The following FAM168A variants were observed in gnomAD, a reference collection of about 807,000 sequenced individuals.
FAM168A encodes the protein protein FAM168A.
FAM168A carries 3 observed loss-of-function variants against 28.5 expected under a neutral mutation model. The ratio of observed to expected loss-of-function variants is 0.11; its 90% CI spans 0.05 to 0.27. FAM168A has a LOEUF of 0.27. Ranked by LOEUF, FAM168A falls within the 10% of genes least tolerant of loss-of-function variation. The pLI, the probability that FAM168A is intolerant of heterozygous loss-of-function variation, is 1.00. For synonymous variants in FAM168A, 122 were observed against 124.2 expected, an observed-to-expected ratio of 0.98 and a Z score of 0.12; for missense variants, 222 against 311.5, an observed-to-expected ratio of 0.71 and a Z score of 2.16.
intron 6 of FAM168A, 73 bp downstream of exon 6, chr11:73,409,414 A>G: frequency 1.9e-6 from 3 of 1,584,196 alleles, no homozygotes; most frequent in Non-Finnish European, 1.7e-6. Flanking sequence ...AGCCAATTCT[A>G]TGACTGTGTT....
intron 1 of FAM168A, among the ~76,000 whole-genome samples, chr11:73,574,841 G>C (rs1944152840): frequency 6.6e-6 from 1 of 151,272 alleles, no homozygotes; most frequent in Non-Finnish European, 1.5e-5. Flanking sequence ...TGGGATTACA[G>C]GTGTGAGCCA....
intron 1 of FAM168A, among the ~76,000 whole-genome samples, chr11:73,476,367 C>A (rs1867888081): frequency 6.7e-6 from 1 of 148,390 alleles, no homozygotes. Flanking sequence ...CATCAGAAAT[C>A]ACACTGCAAA....
intron 1 of FAM168A, among the ~76,000 whole-genome samples, chr11:73,530,908 T>C (rs1943507216): frequency 6.6e-6 from 1 of 152,156 alleles, no homozygotes; most frequent in African/African-American, 2.4e-5. Context: ...CTGGGATTTG[T>C]AGTCCTGTTC....
intron 4 of FAM168A, among the ~76,000 whole-genome samples, chr11:73,417,562 T>C (rs895716395): frequency 1.0e-4 from 15 of 148,568 alleles, no homozygotes; most frequent in Admixed American, 3.3e-4. Context: ...TCTCTCTCTT[T>C]TTTTTTTTTT....
At chr11:73,441,250 G>C (rs184785936) in intron 2 of FAM168A, among the ~76,000 whole-genome samples, 184 of 152,150 alleles carry the variant, frequency 1.2e-3, no homozygotes, top group Non-Finnish European at 1.7e-3. Flanking sequence ...GTAGAGATGG[G>C]GTTTCACCAC....
At chr11:73,582,251 G>A (rs768951161) in intron 1 of FAM168A, among the ~76,000 whole-genome samples, 3 of 151,968 alleles carry the variant, frequency 2.0e-5, no homozygotes, top group Admixed American at 1.3e-4. Flanking sequence ...GCCGGGCACC[G>A]TGACTCATGC....
chr11:73,410,872 C>T (rs1866597041), intron 5 of FAM168A, among the ~76,000 whole-genome samples: 2 of 152,276 alleles, frequency 1.3e-5, no homozygotes, highest in Admixed American at 6.5e-5. Context: ...GCTGAAGGAG[C>T]CCAGAAAGGC....
chr11:73,440,488 A>G (rs1336351193), intron 2 of FAM168A, among the ~76,000 whole-genome samples: 1 of 152,038 alleles, frequency 6.6e-6, no homozygotes, highest in East Asian at 1.9e-4. Flanking sequence ...GGCTCTACAA[A>G]AAGCGGTGGT....
Position 73,410,238 on chromosome 11 carries a change from T to G in FAM168A, c.421-577A>C, listed in dbSNP as rs556578280. ...CCGACCAGCATGGTGAAACCCCATC[T>G]CTACTAAAAATACAAAACAATGAGC... is the stretch of plus-strand genomic sequence containing the variant. On this transcript the variant is annotated intron_variant, in intron 5 of 7. Coordinates refer to ENST00000356467, the MANE Select transcript of FAM168A (RefSeq NM_015159.3). Among the ~76,000 whole-genome samples, 4 of 152,042 alleles carry G rather than the reference T, an allele frequency of 2.6e-5. No homozygotes were observed. In the East Asian group the frequency reaches 7.8e-4, roughly 29 times the overall value.
At chr11:73,437,927 T>G (rs1336525370) in intron 2 of FAM168A, among the ~76,000 whole-genome samples, 1 of 152,220 alleles carries the variant, frequency 6.6e-6, no homozygotes, top group Non-Finnish European at 1.5e-5. Flanking sequence ...TCACCTGTGA[T>G]CAGACTTCAA....
intron 1 of FAM168A, among the ~76,000 whole-genome samples, chr11:73,484,877 A>G (rs1388904514): frequency 1.3e-5 from 2 of 151,902 alleles, no homozygotes; most frequent in African/African-American, 4.8e-5. Context: ...TCCGATGTTC[A>G]AGGACAGGAA....
intron 1 of FAM168A, among the ~76,000 whole-genome samples, chr11:73,478,125 T>G (rs1383597670): frequency 1.3e-5 from 2 of 152,228 alleles, no homozygotes; most frequent in Admixed American, 6.5e-5. Context: ...GCTGCCATAT[T>G]GGAGCAACAT....
At chr11:73,471,826 TC>T (rs111247484) in intron 1 of FAM168A, among the ~76,000 whole-genome samples, 42 of 152,300 alleles carry the variant, frequency 2.8e-4, no homozygotes, top group African/African-American at 9.9e-4. Flanking sequence ...AGATTTTTTT[TC>T]AAGTGAAAGA....
intron 3 of FAM168A, among the ~76,000 whole-genome samples, chr11:73,429,250 A>G (rs1012730948): frequency 6.6e-6 from 1 of 152,192 alleles, no homozygotes; most frequent in African/African-American, 2.4e-5. Context: ...AGAAAAGCAT[A>G]GGACGAGAGT....
intron 2 of FAM168A, 22 bp from the exon 3 acceptor site, chr11:73,430,792 C>CTTAT (rs754275633): frequency 1.3e-6 from 2 of 1,536,068 alleles, no homozygotes; most frequent in Non-Finnish European, 1.8e-6. Context: ...TAAGAAAAGG[C>CTTAT]TTATTTAGTT....
At chr11:73,589,600 G>A (rs1032516064) in intron 1 of FAM168A, among the ~76,000 whole-genome samples, 4 of 152,070 alleles carry the variant, frequency 2.6e-5, no homozygotes, top group Non-Finnish European at 5.9e-5. Context: ...GACTGGTGTA[G>A]TATCAAAGAG....
chr11:73,550,335 A>G (rs1943810425), intron 1 of FAM168A, among the ~76,000 whole-genome samples: 1 of 152,202 alleles, frequency 6.6e-6, no homozygotes. Flanking sequence ...GAAGCTACTC[A>G]GAGATAAATC....
chr11:73,500,084 G>T (rs1178164710), intron 1 of FAM168A, among the ~76,000 whole-genome samples: 1 of 151,976 alleles, frequency 6.6e-6, no homozygotes, highest in Non-Finnish European at 1.5e-5. Context: ...GATTCTCCAA[G>T]GTCACAATGA....
intron 1 of FAM168A, among the ~76,000 whole-genome samples, chr11:73,583,749 T>C (rs540673267): frequency 3.3e-5 from 5 of 152,308 alleles, no homozygotes; most frequent in South Asian, 2.1e-4. Context: ...ACTGCAGACA[T>C]AGTACAATGC....
Sources: allele counts gnomAD v4.1 joint callset (sites outside exome capture counted in the v4.1 genomes callset), GRCh38; gene constraint gnomAD v4.1.1; transcripts MANE v1.5; gene names NCBI Gene and HGNC (gene_info 2026-07-23, HGNC 2026-07-21).